HS6ST3: variants seen among roughly 807,000 people sequenced by gnomAD.
HS6ST3 encodes heparan sulfate 6-O-sulfotransferase 3.
A neutral mutation model predicts 36.7 loss-of-function variants in HS6ST3; 12 were observed. The ratio of observed to expected loss-of-function variants is 0.33; its 90% CI spans 0.21 to 0.53. The LOEUF (loss-of-function observed/expected upper bound fraction) is 0.53, where lower values mean the gene tolerates loss of function less well. Ranked by LOEUF, HS6ST3 falls within the 20% of genes least tolerant of loss-of-function variation. HS6ST3 has a pLI of 0.95. For missense variants in HS6ST3, 584 were observed against 640.9 expected, an observed-to-expected ratio of 0.91 and a Z score of 0.96; for synonymous variants, 240 against 257.5, an observed-to-expected ratio of 0.93 and a Z score of 0.65.
chr13:96,262,778 A>T (rs2054672628), intron 1 of HS6ST3, among the ~76,000 whole-genome samples: 1 of 152,046 alleles, frequency 6.6e-6, no homozygotes, highest in African/African-American at 2.4e-5. Flanking sequence ...GACATCTGCA[A>T]TTAAGTCAAA....
chr13:96,222,091 T>G (rs2054458543), intron 1 of HS6ST3, among the ~76,000 whole-genome samples: 1 of 152,188 alleles, frequency 6.6e-6, no homozygotes, highest in African/African-American at 2.4e-5. Flanking sequence ...TTAGATAAAA[T>G]CAAAGATATT....
chr13:96,525,523 C>A (rs1199764582), intron 1 of HS6ST3, among the ~76,000 whole-genome samples: 1 of 152,082 alleles, frequency 6.6e-6, no homozygotes, highest in Non-Finnish European at 1.5e-5. Context: ...GAACTGTGGA[C>A]GTTTTCCTGA....
intron 1 of HS6ST3, among the ~76,000 whole-genome samples, chr13:96,174,461 T>A (rs1375201266): frequency 6.6e-6 from 1 of 152,096 alleles, no homozygotes; most frequent in African/African-American, 2.4e-5. Context: ...TTTAAACTCC[T>A]GGGCCCAAGC....
chr13:96,611,382 A>G (rs1218890753), intron 1 of HS6ST3, among the ~76,000 whole-genome samples: 1 of 152,138 alleles, frequency 6.6e-6, no homozygotes, highest in African/African-American at 2.4e-5. Context: ...TAGTTTTTAT[A>G]TCAAATAATA....
intron 1 of HS6ST3, among the ~76,000 whole-genome samples, chr13:96,657,224 GAA>G (rs1032077396): frequency 6.6e-6 from 1 of 151,918 alleles, no homozygotes; most frequent in East Asian, 1.9e-4. Flanking sequence ...ATTTTAAAAA[GAA>G]AAAAGATATT....
chr13:96,694,367 G>A (rs1021978380), intron 1 of HS6ST3, among the ~76,000 whole-genome samples: 39 of 152,126 alleles, frequency 2.6e-4, no homozygotes, highest in African/African-American at 9.2e-4. Flanking sequence ...TAGCGGCATA[G>A]TATTCCATGG....
chr13:96,652,351 A>G lies in HS6ST3; in HGVS notation c.708-180139A>G, dbSNP rs180890141. Among the ~76,000 whole-genome samples, 6 of 150,968 alleles carry G rather than the reference A, an allele frequency of 4.0e-5. No individual in the cohort carries two copies. In the East Asian group the frequency reaches 7.9e-4, roughly 20 times the overall value. On this transcript the variant is annotated intron_variant, in intron 1 of 1. Transcript: ENST00000376705. ...GCAGTCCCGTCCCTTTCCTCTCCCC[A>G]TTTTTCTTTTCCTTTCTTCCATTTC...
chr13:96,426,238 T>C (rs911171963), intron 1 of HS6ST3, among the ~76,000 whole-genome samples: 2 of 152,158 alleles, frequency 1.3e-5, no homozygotes, highest in African/African-American at 2.4e-5. Context: ...CATAACCTCA[T>C]TTCAGGGTTA....
chr13:96,388,554 A>G (rs2055379981), intron 1 of HS6ST3, among the ~76,000 whole-genome samples: 1 of 152,198 alleles, frequency 6.6e-6, no homozygotes, highest in African/African-American at 2.4e-5. Context: ...TATACCTACA[A>G]TTTCTGACAA....
chr13:96,344,744 A>G (rs781422114), intron 1 of HS6ST3, among the ~76,000 whole-genome samples: 2 of 152,172 alleles, frequency 1.3e-5, no homozygotes, highest in African/African-American at 2.4e-5. Flanking sequence ...GTTTCTGTTT[A>G]ATGAAGGTCA....
intron 1 of HS6ST3, among the ~76,000 whole-genome samples, chr13:96,201,567 G>T (rs1345069978): frequency 1.3e-5 from 2 of 152,116 alleles, no homozygotes; most frequent in Non-Finnish European, 2.9e-5. Flanking sequence ...CAAGGTATAT[G>T]GCTCTAAGAA....
At chr13:96,779,374 AT>A (rs34650114) in intron 1 of HS6ST3, among the ~76,000 whole-genome samples, 2 of 151,694 alleles carry the variant, frequency 1.3e-5, no homozygotes, top group Admixed American at 6.6e-5. Context: ...TGGAACCAGA[AT>A]TTTTTCCATA....
chr13:96,823,582 CTATGTATGAATAAAGTGATTA>C (rs1878583270), intron 1 of HS6ST3, among the ~76,000 whole-genome samples: 1 of 151,738 alleles, frequency 6.6e-6, no homozygotes, highest in African/African-American at 2.4e-5. Flanking sequence ...TTAACTGTGC[CTATGTATGAATAAAGTGATTA>C]TAGGTAATTT....
chr13:96,186,741 C>T (rs1467912861), intron 1 of HS6ST3, among the ~76,000 whole-genome samples: 7 of 152,136 alleles, frequency 4.6e-5, no homozygotes, highest in African/African-American at 1.4e-4. Context: ...TTCACATATC[C>T]GTTTCTAATC....
At chr13:96,583,684 G>A (rs748608840) in intron 1 of HS6ST3, among the ~76,000 whole-genome samples, 19 of 151,822 alleles carry the variant, frequency 1.3e-4, no homozygotes, top group Non-Finnish European at 1.9e-4. Context: ...TTGTACCCTA[G>A]GCCTTTTGAA....
chr13:96,808,335 A>T (rs1188270960), intron 1 of HS6ST3, among the ~76,000 whole-genome samples: 1 of 152,188 alleles, frequency 6.6e-6, no homozygotes, highest in Non-Finnish European at 1.5e-5. Context: ...CAGGAGAGTG[A>T]AAGTGGTAGG....
At chr13:96,627,145 T>G (rs2056515833) in intron 1 of HS6ST3, among the ~76,000 whole-genome samples, 1 of 152,118 alleles carries the variant, frequency 6.6e-6, no homozygotes, top group Admixed American at 6.5e-5. Flanking sequence ...AAAATGTATT[T>G]ATTGCGTATG....
intron 1 of HS6ST3, among the ~76,000 whole-genome samples, chr13:96,703,071 A>G (rs568496900): frequency 2.0e-5 from 3 of 152,368 alleles, no homozygotes; most frequent in South Asian, 2.1e-4. Context: ...TTGCAGGTCT[A>G]AAATATTTAT....
chr13:96,280,551 T>C (rs963126566), intron 1 of HS6ST3, among the ~76,000 whole-genome samples: 3 of 152,178 alleles, frequency 2.0e-5, no homozygotes, highest in African/African-American at 7.2e-5. Context: ...TTTTTCTAAA[T>C]TGTTTGAACA....
Sources: allele counts gnomAD v4.1 joint callset (sites outside exome capture counted in the v4.1 genomes callset), GRCh38; gene constraint gnomAD v4.1.1; transcripts MANE v1.5; gene names NCBI Gene and HGNC (gene_info 2026-07-23, HGNC 2026-07-21).